BIRC5: variants seen among roughly 807,000 people sequenced by gnomAD.
BIRC5 encodes baculoviral IAP repeat-containing protein 5.
Under a neutral mutation model 15.8 loss-of-function variants are expected in BIRC5, and 8 were observed. The ratio of observed to expected loss-of-function variants is 0.51; its 90% CI spans 0.30 to 0.91. The LOEUF is 0.91. Among genes scored for constraint, BIRC5 ranks in the 40% least tolerant of loss-of-function variants. The pLI, the probability that BIRC5 is intolerant of heterozygous loss-of-function variation, is 0.07. For missense variants in BIRC5, 163 were observed against 178.6 expected (o/e 0.91, Z 0.50); for synonymous variants, 56 against 64.5 (o/e 0.87, Z 0.63).
At chr17:78,222,376 G>A (rs572821497) in intron 3 of BIRC5, among the ~76,000 whole-genome samples, 1 of 151,768 alleles carries the variant, frequency 6.6e-6, no homozygotes, top group African/African-American at 2.4e-5. Context: ...ATATTGAAAA[G>A]TAATTTTTTG....
intron 3 of BIRC5, chr17:78,222,805 T>G (rs1392711669): frequency 6.5e-7 from 1 of 1,535,644 alleles, no homozygotes; most frequent in African/African-American, 1.4e-5. Flanking sequence ...GATTTGCTAA[T>G]GTGATTGTCA....
Position 78,223,946 on chromosome 17 carries a change from G to A in BIRC5, c.*392G>A, listed in dbSNP as rs942011585. On this transcript the variant is annotated 3_prime_UTR_variant, in exon 4 of 4. Transcript: ENST00000350051. ...ATGTGTCTGGACCTCATGTTGTTGA[G>A]GCTGTCACAGTCCTGAGTGTGGACT... is the stretch of plus-strand genomic sequence containing the variant. The A allele has an allele frequency of 8.3e-6, 2 of 240,268 alleles. No individual in the cohort carries two copies. The highest frequency in any genetic ancestry group is 4.5e-5 in the African/African-American group (2 of 44,422). 14.9% of individuals were successfully genotyped at this position (240,268 alleles called of 1,614,324 possible). A position where few individuals can be genotyped will look rare whatever the true frequency, so the allele number is the denominator to read the frequency against.
chr17:78,215,801 C>T lies in BIRC5; in HGVS notation c.222-863C>T, dbSNP rs568226004. 3.3e-5 allele frequency among the ~76,000 whole-genome samples: 5 copies of T among 152,286 alleles called. No individual in the cohort carries two copies. The South Asian group carries it at 1.0e-3, about 32-fold the overall frequency. On this transcript the variant is annotated intron_variant, in intron 2 of 3. Transcript: ENST00000350051. ...TCAGATTAGAGTTACAACTGGCTGT[C>T]TTTTTGGACTTTGTGTGGCCATGTT...
At chr17:78,217,915 C>A (rs2661692) in intron 3 of BIRC5, among the ~76,000 whole-genome samples, 45,956 of 151,812 alleles carry the variant, frequency 0.3, 7,865 homozygotes, top group Middle Eastern at 0.48. Context: ...CCTCATCCTC[C>A]CAAGTAATTG....
At chr17:78,217,884 T>C (rs1414986184) in intron 3 of BIRC5, among the ~76,000 whole-genome samples, 1 of 151,860 alleles carries the variant, frequency 6.6e-6, no homozygotes, top group Non-Finnish European at 1.5e-5. Flanking sequence ...CTCGAACTCC[T>C]GAGCTCAAGT....
intron 3 of BIRC5, among the ~76,000 whole-genome samples, chr17:78,219,175 G>A (rs1470285564): frequency 2.6e-5 from 4 of 151,924 alleles, no homozygotes; most frequent in Admixed American, 2.6e-4. Flanking sequence ...AAATAATTCT[G>A]TCCTTATATG....
intron 3 of BIRC5, chr17:78,223,081 A>T: frequency 9.3e-7 from 1 of 1,075,360 alleles, no homozygotes; most frequent in Non-Finnish European, 1.2e-6. Context: ...GGGTGCCTAG[A>T]CTAGCTGGGT....
At position 78,216,694 on chromosome 17, in the gene BIRC5, C is replaced by T. The variant is rs755408216; in HGVS notation, c.252C>T (p.Cys84=). ...AACATAAAAAGCATTCGTCCGGTTGCGCTTTCCTTTCTGTCAAGAAGCAGT... is the reference window on the plus strand; with the variant it reads ...AACATAAAAAGCATTCGTCCGGTTGTGCTTTCCTTTCTGTCAAGAAGCAGT... ...IEEHKKHSSG[C]AFLSVKKQFE... is the part of the protein sequence containing the mutation. Residue 84 remains cysteine, a synonymous_variant, in exon 3 of 4, where the codon TGC becomes TGT. Transcript: ENST00000350051. The T allele has an allele frequency of 2.4e-5, 38 of 1,613,714 alleles. No individual in the cohort carries two copies. The highest frequency in any genetic ancestry group is 6.7e-5 in the African/African-American group (5 of 74,924).
At chr17:78,221,767 A>T (rs563317796) in intron 3 of BIRC5, among the ~76,000 whole-genome samples, 6 of 152,354 alleles carry the variant, frequency 3.9e-5, no homozygotes, top group Admixed American at 3.3e-4. Context: ...AGCTTCGCTA[A>T]TTTAAGGCTT....
At position 78,225,521 on chromosome 17, in the gene BIRC5, A is replaced by T. The variant is rs17882360; in HGVS notation, c.*1967A>T. Reference sequence around the variant, plus strand: ...TGCCATCCTGGAAAGTAGAGACAGCAGTGCCCGCTGCCCAGAAGAGACCAG... The same window carrying T: ...TGCCATCCTGGAAAGTAGAGACAGCTGTGCCCGCTGCCCAGAAGAGACCAG... On this transcript the variant is annotated 3_prime_UTR_variant, in exon 4 of 4. Coordinates refer to ENST00000350051, the MANE Select transcript of BIRC5 (RefSeq NM_001168.3). 0.076 allele frequency: 11,640 copies of T among 152,372 alleles called. 642 individuals carry two copies. Among genetic ancestry groups the T allele is most frequent in the Middle Eastern group, 0.2 (58 of 296 alleles). The allele number at this position is 152,372 out of a possible 1,614,324, so 9.4% of individuals were successfully genotyped here.
chr17:78,217,916 C>G (rs1158481854), intron 3 of BIRC5, among the ~76,000 whole-genome samples: 4 of 152,028 alleles, frequency 2.6e-5, no homozygotes, highest in African/African-American at 9.7e-5. Flanking sequence ...CTCATCCTCC[C>G]AAGTAATTGG....
chr17:78,219,673 C>T (rs1436044620), intron 3 of BIRC5, among the ~76,000 whole-genome samples: 2 of 152,208 alleles, frequency 1.3e-5, no homozygotes, highest in Non-Finnish European at 2.9e-5. Context: ...TTTTCTGCAG[C>T]GTGCCATAGA....
In BIRC5 at chr17:78,224,862, G is replaced by A. The variant is rs947942038; in HGVS notation, c.*1308G>A. 6.6e-6 allele frequency: 1 copy of A among 152,196 alleles called. No individual in the cohort carries two copies. Among genetic ancestry groups the A allele is most frequent in the African/African-American group, 2.4e-5 (1 of 41,444 alleles). The allele number at this position is 152,196 out of a possible 1,614,324, so 9.4% of individuals were successfully genotyped here. On this transcript the variant is annotated 3_prime_UTR_variant, in exon 4 of 4. Transcript: ENST00000350051. ...TGCCAGAGCCACGAACCCCAGACCTGTTTGTATCATCCGGGCTCCTTCCGG... is the reference window on the plus strand; with the variant it reads ...TGCCAGAGCCACGAACCCCAGACCTATTTGTATCATCCGGGCTCCTTCCGG...
chr17:78,219,714 C>T, intron 3 of BIRC5, among the ~76,000 whole-genome samples: 1 of 152,206 alleles, frequency 6.6e-6, no homozygotes, highest in Non-Finnish European at 1.5e-5. Context: ...GTCAGAGTCT[C>T]TGTTGCATAT....
chr17:78,225,360 ACTTT>A lies in BIRC5; in HGVS notation c.*1812_*1815del, dbSNP rs1436113251. ...CCCTTGTCTAAGTGCAACCGCCTAG[ACTTT>A]CTTTCAGATACATGTCCACATGTCC... is the stretch of plus-strand genomic sequence containing the variant. On this transcript the variant is annotated 3_prime_UTR_variant, in exon 4 of 4. Coordinates refer to ENST00000350051, the MANE Select transcript of BIRC5 (RefSeq NM_001168.3). 4 of 152,166 alleles carry A rather than the reference ACTTT, an allele frequency of 2.6e-5. No individual in the cohort carries two copies. The highest frequency in any genetic ancestry group is 9.7e-5 in the African/African-American group (4 of 41,426). 9.4% of individuals were successfully genotyped at this position (152,166 alleles called of 1,614,324 possible).
intron 3 of BIRC5, among the ~76,000 whole-genome samples, chr17:78,220,061 C>G (rs2076504654): frequency 6.6e-6 from 1 of 152,168 alleles, no homozygotes; most frequent in South Asian, 2.1e-4. Context: ...GTGCTCCGCT[C>G]TAGGGTTACA....
rs1275907530 is a variant in BIRC5, at chr17:78,214,364, C to T, written c.48C>T (p.Asp16=). ...CTGCCTGGCAGCCCTTTCTCAAGGA[C>T]CACCGCATCTCTACATTCAAGAACT... ...LPPAWQPFLK[D]HRISTFKNWP... is the part of the protein sequence containing the mutation. The change falls in exon 1 of 4, where the codon GAC becomes GAT. Residue 16 remains aspartate (D), a synonymous_variant. Transcript: ENST00000350051. The T allele has an allele frequency of 6.2e-7, 1 of 1,608,456 alleles. No individual in the cohort carries two copies. The highest frequency in any genetic ancestry group is 8.5e-7 in the Non-Finnish European group (1 of 1,177,804).
chr17:78,222,601 G>A (rs1007684928), intron 3 of BIRC5, among the ~76,000 whole-genome samples: 1 of 152,188 alleles, frequency 6.6e-6, no homozygotes, highest in Non-Finnish European at 1.5e-5. Flanking sequence ...GGAGGCAGAG[G>A]TTGCGGTGAG....
rs534855597 is a variant in BIRC5, at chr17:78,214,625, G to T, written c.112-55G>T. On this transcript the variant is annotated intron_variant, in intron 1 of 3. Transcript: ENST00000350051. Reference sequence around the variant, plus strand: ...GTCCCCATCGAGGCCTTTGTGGCTGGGCCTCGGGGTTCCGGGCTGCCACGT... The same window carrying T: ...GTCCCCATCGAGGCCTTTGTGGCTGTGCCTCGGGGTTCCGGGCTGCCACGT... 2.7e-6 allele frequency: 4 copies of T among 1,495,118 alleles called. No individual in the cohort carries two copies. In the African/African-American group the frequency reaches 5.6e-5, roughly 21 times the overall value. 92.6% of individuals were successfully genotyped at this position (1,495,118 alleles called of 1,614,324 possible).
Sources: allele counts gnomAD v4.1 joint callset (sites outside exome capture counted in the v4.1 genomes callset), GRCh38; gene constraint gnomAD v4.1.1; transcripts MANE v1.5; gene names NCBI Gene and HGNC (gene_info 2026-07-23, HGNC 2026-07-21).